Variants in NRG1 observed in about 807,000 individuals in gnomAD.
The protein encoded by NRG1 is neuregulin 1.
A neutral mutation model predicts 63.8 loss-of-function variants in NRG1; 18 were observed. That is an observed-to-expected ratio of 0.28 (90% CI 0.19 to 0.42). NRG1 has a LOEUF of 0.42. Among genes scored for constraint, NRG1 ranks in the 10% least tolerant of loss-of-function variants. The pLI, the probability that NRG1 is intolerant of heterozygous loss-of-function variation, is 1.00. For missense variants in NRG1, 762 were observed against 814.7 expected (o/e 0.94, Z 0.79); for synonymous variants, 302 against 301.3 (o/e 1.00, Z -0.02).
intron 5 of NRG1, among the ~76,000 whole-genome samples, chr8:32,619,943 C>T (rs1848043389): frequency 6.6e-6 from 1 of 152,064 alleles, no homozygotes; most frequent in African/African-American, 2.4e-5. Context: ...GGAACCAGGT[C>T]CAGTCTTAGT....
intron 1 of NRG1, among the ~76,000 whole-genome samples, chr8:32,562,216 G>C (rs1258263024): frequency 6.6e-6 from 1 of 152,042 alleles, no homozygotes; most frequent in Non-Finnish European, 1.5e-5. Context: ...CATCCAAAAA[G>C]CTGGGGGTAC....
At chr8:32,115,890 A>G (rs1042273750) in intron 1 of NRG1, among the ~76,000 whole-genome samples, 1 of 152,100 alleles carries the variant, frequency 6.6e-6, no homozygotes, top group African/African-American at 2.4e-5. Context: ...CTCTACCCAG[A>G]CTGGGAGCCA....
At chr8:31,734,442 G>GT (rs911956354) in intron 1 of NRG1, among the ~76,000 whole-genome samples, 2 of 152,108 alleles carry the variant, frequency 1.3e-5, no homozygotes, top group Non-Finnish European at 2.9e-5. Context: ...ATTATTTTAA[G>GT]TTTTTTTAAA....
At chr8:32,335,287 A>C (rs762020465) in intron 1 of NRG1, among the ~76,000 whole-genome samples, 1 of 152,206 alleles carries the variant, frequency 6.6e-6, no homozygotes, top group Non-Finnish European at 1.5e-5. Flanking sequence ...TTTTCCCAAA[A>C]TCTTTCCCAA....
intron 1 of NRG1, among the ~76,000 whole-genome samples, chr8:31,970,530 TAGC>T (rs923657947): frequency 2.0e-5 from 3 of 152,150 alleles, no homozygotes; most frequent in African/African-American, 7.2e-5. Flanking sequence ...CTACAATAGG[TAGC>T]AGAATTGGGC....
At chr8:31,980,924 T>A (rs1808960993) in intron 1 of NRG1, among the ~76,000 whole-genome samples, 1 of 152,102 alleles carries the variant, frequency 6.6e-6, no homozygotes, top group Non-Finnish European at 1.5e-5. Context: ...ATGTTCTATG[T>A]AAGTAGCAAT....
At chr8:31,953,849 C>T (rs1803895443) in intron 1 of NRG1, among the ~76,000 whole-genome samples, 1 of 152,102 alleles carries the variant, frequency 6.6e-6, no homozygotes, top group Non-Finnish European at 1.5e-5. Context: ...GGTGATGTCG[C>T]ACACGGAAAG....
At chr8:31,724,153 A>AG (rs1813192560) in intron 1 of NRG1, among the ~76,000 whole-genome samples, 1 of 152,160 alleles carries the variant, frequency 6.6e-6, no homozygotes, top group South Asian at 2.1e-4. Flanking sequence ...ATATATTAGA[A>AG]GAAAAGTACA....
intron 1 of NRG1, among the ~76,000 whole-genome samples, chr8:31,720,487 A>G (rs1296197301): frequency 6.6e-6 from 1 of 151,928 alleles, no homozygotes; most frequent in East Asian, 1.9e-4. Flanking sequence ...CCACCCCTCA[A>G]CAGTGTGTGT....
intron 1 of NRG1, among the ~76,000 whole-genome samples, chr8:31,857,892 T>C (rs1828076604): frequency 6.6e-6 from 1 of 152,158 alleles, no homozygotes; most frequent in Non-Finnish European, 1.5e-5. Context: ...GTAGTGGTGA[T>C]TCAAGAAGTT....
chr8:32,368,357 C>A (rs1005546098), intron 1 of NRG1, among the ~76,000 whole-genome samples: 2 of 151,918 alleles, frequency 1.3e-5, no homozygotes, highest in African/African-American at 4.8e-5. Context: ...TTGCTTGAGC[C>A]CCAGAGTTCA....
At chr8:32,405,495 T>C (rs1208401094) in intron 1 of NRG1, among the ~76,000 whole-genome samples, 1 of 152,198 alleles carries the variant, frequency 6.6e-6, no homozygotes, top group Non-Finnish European at 1.5e-5. Context: ...AATTTGGGAA[T>C]ATAAAACAAA....
chr8:32,148,344 A>T (rs1470242483), intron 1 of NRG1, among the ~76,000 whole-genome samples: 2 of 152,138 alleles, frequency 1.3e-5, no homozygotes, highest in Non-Finnish European at 2.9e-5. Flanking sequence ...GGAAGTGGCA[A>T]ATGTTGAACT....
At chr8:31,769,888 C>G (rs1216135942) in intron 1 of NRG1, among the ~76,000 whole-genome samples, 1 of 152,130 alleles carries the variant, frequency 6.6e-6, no homozygotes, top group Non-Finnish European at 1.5e-5. Context: ...TAATGAGAAA[C>G]AGCAAACCCT....
chr8:31,993,607 T>G (rs1281758218), intron 1 of NRG1, among the ~76,000 whole-genome samples: 1 of 151,992 alleles, frequency 6.6e-6, no homozygotes, highest in African/African-American at 2.4e-5. Context: ...CATCTTCCAT[T>G]TTGAATGTGA....
chr8:32,643,977 T>A (rs1852942471), intron 5 of NRG1, among the ~76,000 whole-genome samples: 1 of 152,148 alleles, frequency 6.6e-6, no homozygotes, highest in African/African-American at 2.4e-5. Context: ...AAAGCAGTAT[T>A]TTTCAGCAGA....
intron 1 of NRG1, among the ~76,000 whole-genome samples, chr8:32,143,524 T>A (rs553898754): frequency 3.9e-4 from 60 of 152,318 alleles, no homozygotes; most frequent in Non-Finnish European, 7.2e-4. Flanking sequence ...TGTATCCAGC[T>A]CTCAGTGCCC....
intron 1 of NRG1, among the ~76,000 whole-genome samples, chr8:32,498,245 A>G (rs946074105): frequency 1.4e-4 from 21 of 152,202 alleles, no homozygotes; most frequent in African/African-American, 2.7e-4. Context: ...TTGGGCATCA[A>G]TGAGTGGCGA....
intron 1 of NRG1, among the ~76,000 whole-genome samples, chr8:31,675,001 G>A (rs1807535642): frequency 6.6e-6 from 1 of 152,176 alleles, no homozygotes; most frequent in Non-Finnish European, 1.5e-5. Flanking sequence ...AGGTTTTAGA[G>A]TAAGATGTCA....
Sources: gnomAD v4.1 joint callset for allele counts (sites outside exome capture counted in the v4.1 genomes callset) on GRCh38, gnomAD v4.1.1 for gene constraint, MANE v1.5 for transcripts, NCBI Gene and HGNC (gene_info 2026-07-23, HGNC 2026-07-21) for gene names.